The following DLGAP2 variants were observed in gnomAD, a reference collection of about 807,000 sequenced individuals.
The protein encoded by DLGAP2 is disks large-associated protein 2.
DLGAP2 carries 26 observed loss-of-function variants against 100.3 expected under a neutral mutation model. The ratio of observed to expected loss-of-function variants is 0.26; its 90% CI spans 0.19 to 0.36. The LOEUF (loss-of-function observed/expected upper bound fraction) is 0.36. DLGAP2 is among the 10% of genes least tolerant of loss of function. DLGAP2 has a pLI of 1.00. For synonymous variants in DLGAP2, 886 were observed against 630.1 expected (o/e 1.41, Z -6.08); for missense variants, 1,858 against 1,453.2 (o/e 1.28, Z -4.53).
At chr8:912,916 C>T (rs1267913555) in intron 2 of DLGAP2, among the ~76,000 whole-genome samples, 1 of 152,280 alleles carries the variant, frequency 6.6e-6, no homozygotes, top group Non-Finnish European at 1.5e-5. Context: ...GCCCGCCTTC[C>T]TCTCTGTGTA....
intron 3 of DLGAP2, among the ~76,000 whole-genome samples, chr8:1,441,805 T>C (rs1563151624): frequency 6.6e-6 from 1 of 151,840 alleles, no homozygotes; most frequent in Non-Finnish European, 1.5e-5. Context: ...TTTTATTTAA[T>C]TTAATTTAAT....
intron 3 of DLGAP2, among the ~76,000 whole-genome samples, chr8:1,290,504 C>T (rs761568413): frequency 2.6e-5 from 4 of 152,124 alleles, no homozygotes; most frequent in Non-Finnish European, 4.4e-5. Flanking sequence ...GGCTCTAAAC[C>T]CTTTATAATG....
chr8:1,353,593 A>G (rs1801783720), intron 3 of DLGAP2, among the ~76,000 whole-genome samples: 1 of 152,186 alleles, frequency 6.6e-6, no homozygotes, highest in Non-Finnish European at 1.5e-5. Context: ...TCCATTTAAG[A>G]TGGTTTGTCA....
intron 3 of DLGAP2, among the ~76,000 whole-genome samples, chr8:1,344,000 C>G (rs73170477): frequency 6.6e-6 from 1 of 152,102 alleles, no homozygotes; most frequent in Non-Finnish European, 1.5e-5. Flanking sequence ...CATTTACCAA[C>G]GTCCTATTCA....
intron 2 of DLGAP2, among the ~76,000 whole-genome samples, chr8:1,172,328 AT>A (rs1281177663): frequency 1.3e-5 from 2 of 151,672 alleles, no homozygotes; most frequent in African/African-American, 2.4e-5. Context: ...TTTTTCCTTC[AT>A]TTCCACTTTG....
intron 3 of DLGAP2, among the ~76,000 whole-genome samples, chr8:1,355,068 A>G (rs1444304677): frequency 6.6e-6 from 1 of 152,094 alleles, no homozygotes; most frequent in East Asian, 1.9e-4. Flanking sequence ...GCTGTGGATG[A>G]GGGTGGAAAG....
At chr8:1,034,117 T>C (rs1464127506) in intron 2 of DLGAP2, among the ~76,000 whole-genome samples, 3 of 40,762 alleles carry the variant, frequency 7.4e-5, no homozygotes, top group African/African-American at 3.4e-4. Context: ...ACTCACACCC[T>C]CATCCCGACC....
At chr8:1,303,856 G>C (rs954755838) in intron 3 of DLGAP2, among the ~76,000 whole-genome samples, 1 of 152,210 alleles carries the variant, frequency 6.6e-6, no homozygotes, top group Non-Finnish European at 1.5e-5. Context: ...CTGCAGGTCT[G>C]GATGGCCTGC....
In DLGAP2 at chr8:1,515,087, C is replaced by T. The variant is rs190352414; in HGVS notation, c.172+13656C>T. ...TGCAGGGAGACCAACATGCAGAAAA[C>T]GCATGTTTGGCCTGAAATGGGATGG... On this transcript the variant is annotated intron_variant, in intron 4 of 14. Transcript: ENST00000637795. 2.4e-4 allele frequency among the ~76,000 whole-genome samples: 37 copies of T among 152,052 alleles called. No individual in the cohort carries two copies. The East Asian group carries it at 2.5e-3, about 10-fold the overall frequency.
intron 2 of DLGAP2, among the ~76,000 whole-genome samples, chr8:1,054,977 C>A (rs371983219): frequency 6.6e-6 from 1 of 152,188 alleles, no homozygotes; most frequent in South Asian, 2.1e-4. Flanking sequence ...AAGCAATAAT[C>A]GCATATAGCA....
Position 1,252,165 on chromosome 8 carries a change from G to A in DLGAP2, c.74-6686G>A, listed in dbSNP as rs551608434. ...TGGTGTTGTCACACGGGTGTGTTGT[G>A]TTGTCCTGGGTCACGGTGTCACAGT... On this transcript the variant is annotated intron_variant, in intron 2 of 14. Coordinates refer to ENST00000637795, the MANE Select transcript of DLGAP2 (RefSeq NM_001346810.2). 6.6e-5 allele frequency among the ~76,000 whole-genome samples: 10 copies of A among 151,964 alleles called. No homozygotes were observed. The East Asian group carries it at 1.9e-3, about 30-fold the overall frequency.
chr8:824,010 G>T (rs1796637585), intron 1 of DLGAP2, among the ~76,000 whole-genome samples: 1 of 151,574 alleles, frequency 6.6e-6, no homozygotes. Context: ...AAAGGATCCT[G>T]GGACAACATT....
At chr8:1,255,025 T>TC (rs397974126) in intron 2 of DLGAP2, among the ~76,000 whole-genome samples, 2 of 118,958 alleles carry the variant, frequency 1.7e-5, no homozygotes, top group Admixed American at 8.6e-5. Flanking sequence ...TGTGTGTGTG[T>TC]CTTCTCCTGC....
chr8:1,229,015 A>C (rs1798479533), intron 2 of DLGAP2, among the ~76,000 whole-genome samples: 1 of 152,328 alleles, frequency 6.6e-6, no homozygotes, highest in East Asian at 1.9e-4. Flanking sequence ...ATAAAGTTGT[A>C]TAGAAAATAT....
chr8:950,185 A>G (rs1428893102), intron 2 of DLGAP2, among the ~76,000 whole-genome samples: 5 of 152,184 alleles, frequency 3.3e-5, no homozygotes, highest in African/African-American at 4.8e-5. Context: ...TTTCAATCTC[A>G]TGCCCGGCTG....
rs185253260 is a variant in DLGAP2 at position 1,073,910 on chromosome 8, G to A, written c.73+165944G>A. ...ACTGAGACTGAACTCACCCGGCTGC[G>A]TATTCAGGATTCACTGTAACAGAAG... On this transcript the variant is annotated intron_variant, in intron 2 of 14. Coordinates refer to ENST00000637795, the MANE Select transcript of DLGAP2 (RefSeq NM_001346810.2). 1.6e-4 allele frequency among the ~76,000 whole-genome samples: 25 copies of A among 152,144 alleles called. No individual in the cohort carries two copies. In the East Asian group the frequency reaches 3.1e-3, roughly 19 times the overall value.
intron 2 of DLGAP2, among the ~76,000 whole-genome samples, chr8:1,198,362 C>T (rs749786207): frequency 3.3e-5 from 5 of 152,200 alleles, no homozygotes; most frequent in African/African-American, 9.7e-5. Context: ...CGTGGGGCGT[C>T]ACGCATGTTG....
chr8:1,492,938 C>G (rs1323347043), intron 3 of DLGAP2, among the ~76,000 whole-genome samples: 3 of 152,178 alleles, frequency 2.0e-5, no homozygotes, highest in Non-Finnish European at 4.4e-5. Flanking sequence ...CCTCCACCCT[C>G]CACTGCCATC....
intron 3 of DLGAP2, among the ~76,000 whole-genome samples, chr8:1,287,239 TAGG>T (rs1404185026): frequency 6.8e-5 from 8 of 116,848 alleles, no homozygotes; most frequent in African/African-American, 2.1e-4. Context: ...GTGGTTTTGT[TAGG>T]AGGGGAACTA....
Sources: gnomAD v4.1 joint callset for allele counts (sites outside exome capture counted in the v4.1 genomes callset) on GRCh38, gnomAD v4.1.1 for gene constraint, MANE v1.5 for transcripts, NCBI Gene and HGNC (gene_info 2026-07-23, HGNC 2026-07-21) for gene names.